The following HIPK2 variants were observed in gnomAD, a reference collection of about 807,000 sequenced individuals.
The protein encoded by HIPK2 is homeodomain-interacting protein kinase 2.
HIPK2 carries 27 observed loss-of-function variants against 113.7 expected under a neutral mutation model. The ratio of observed to expected loss-of-function variants is 0.24; its 90% CI spans 0.17 to 0.33. The LOEUF (loss-of-function observed/expected upper bound fraction) is 0.33, where lower values mean the gene tolerates loss of function less well. Ranked by LOEUF, HIPK2 falls within the 10% of genes least tolerant of loss-of-function variation. HIPK2 has a pLI of 1.00. For synonymous variants in HIPK2, 631 were observed against 642.2 expected (o/e 0.98, Z 0.26); for missense variants, 1,257 against 1,588.0 (o/e 0.79, Z 3.54).
At chr7:139,764,045 A>T (rs1796513845) in intron 1 of HIPK2, among the ~76,000 whole-genome samples, 1 of 152,224 alleles carries the variant, frequency 6.6e-6, no homozygotes, top group Non-Finnish European at 1.5e-5. Flanking sequence ...GTGCCTTATG[A>T]GAAACGCATG....
chr7:139,575,337 C>G, intron 13 of HIPK2, 49 bp from the exon 14 acceptor site: 1 of 1,518,224 alleles, frequency 6.6e-7, no homozygotes, highest in Non-Finnish European at 8.9e-7. Context: ...GTCCCAGCTG[C>G]CCAGAAGATG....
chr7:139,685,961 G>T (rs1421663945), intron 2 of HIPK2, among the ~76,000 whole-genome samples: 1 of 152,180 alleles, frequency 6.6e-6, no homozygotes, highest in Non-Finnish European at 1.5e-5. Context: ...TATTATTTAA[G>T]AAACACATCT....
chr7:139,681,747 C>T (rs1648213642), intron 2 of HIPK2, among the ~76,000 whole-genome samples: 1 of 152,188 alleles, frequency 6.6e-6, no homozygotes, highest in African/African-American at 2.4e-5. Flanking sequence ...AGGAGAGTCA[C>T]AGCGTGCGGA....
chr7:139,685,380 C>T (rs1404291234), intron 2 of HIPK2, among the ~76,000 whole-genome samples: 1 of 152,158 alleles, frequency 6.6e-6, no homozygotes, highest in Non-Finnish European at 1.5e-5. Context: ...CCAGGCTGGT[C>T]TCAAACTCCT....
At chr7:139,689,844 T>C (rs764918876) in intron 2 of HIPK2, among the ~76,000 whole-genome samples, 2 of 151,842 alleles carry the variant, frequency 1.3e-5, no homozygotes, top group Non-Finnish European at 2.9e-5. Flanking sequence ...AGGAGTCAGG[T>C]GGTGAGTCAA....
chr7:139,716,501 G>A lies in HIPK2; in HGVS notation c.534C>T (p.Ser178=), dbSNP rs749955628. Residue 178 remains serine, a synonymous_variant, in exon 2 of 15, where the codon TCC becomes TCT. Transcript: ENST00000406875. The surrounding 1 kb of genome is among the most constrained non-coding windows in gnomAD (Gnocchi z 9.3). ...CCAGCTGATAGTCGCCCTCGCTGTT[G>A]GAGCCGCTGTTTTTGGAGGTGGCAG... The part of the protein sequence containing the change: ...TSTATSKNSG[S]NSEGDYQLVQ... The A allele has an allele frequency of 1.5e-4, 242 of 1,614,040 alleles. 1 individual carries two copies. The South Asian group carries it at 2.3e-3, about 15-fold the overall frequency.
intron 10 of HIPK2, among the ~76,000 whole-genome samples, chr7:139,601,310 TAC>T (rs999270784): frequency 3.9e-5 from 6 of 152,224 alleles, no homozygotes; most frequent in Non-Finnish European, 5.9e-5. Context: ...AAGCGGAATT[TAC>T]ACAGTGTCTT....
At position 139,631,730 on chromosome 7, in the gene HIPK2, A is replaced by G; in HGVS notation, c.1104-5T>C. The G allele has an allele frequency of 6.2e-7, 1 of 1,611,480 alleles. No homozygotes were observed. The highest frequency in any genetic ancestry group is 8.5e-7 in the Non-Finnish European group (1 of 1,178,910). On this transcript the variant is annotated splice_polypyrimidine_tract_variant and splice_region_variant and intron_variant, in intron 2 of 14. Coordinates refer to ENST00000406875, the MANE Select transcript of HIPK2 (RefSeq NM_022740.5). This position sits in a 1 kb window ranked among gnomAD's most constrained non-coding sequence, Gnocchi z 4.9. ...CCAAGGATGATCTCAGGGGCCCTGA[A>G]AAGGAAGAATGGAAGAAACCATTAG... is the stretch of plus-strand genomic sequence containing the variant.
rs753276552 is a variant in HIPK2 at position 139,762,954 on chromosome 7, G to A, written c.19+14651C>T. On this transcript the variant is annotated intron_variant, in intron 1 of 14. Transcript: ENST00000406875. ...AGAAGAGGGGAATATGATTTACACT[G>A]GAGGATCAGGGAAAGCCTCCTGGAG... Among the ~76,000 whole-genome samples, 33 of 152,334 alleles carry A rather than the reference G, an allele frequency of 2.2e-4. 1 individual carries two copies. The Middle Eastern group carries it at 0.01, about 47-fold the overall frequency.
intron 2 of HIPK2, among the ~76,000 whole-genome samples, chr7:139,678,372 T>A (rs111809624): frequency 0.033 from 5,072 of 152,262 alleles, 148 homozygotes; most frequent in East Asian, 0.096. Flanking sequence ...AAGGAAGGGG[T>A]CCAGTTTCAG....
intron 2 of HIPK2, among the ~76,000 whole-genome samples, chr7:139,696,787 C>T (rs1230125348): frequency 6.6e-6 from 1 of 152,106 alleles, no homozygotes; most frequent in Admixed American, 6.5e-5. Context: ...ATCTTCCTGG[C>T]GTCAACACTC....
chr7:139,581,632 G>A (rs1034906118), intron 13 of HIPK2, among the ~76,000 whole-genome samples: 13 of 152,218 alleles, frequency 8.5e-5, no homozygotes, highest in African/African-American at 3.1e-4. Context: ...TCTGGGTGCT[G>A]TAGCTGGGGG....
Position 139,716,384 on chromosome 7 carries a change from C to A in HIPK2, c.651G>T (p.Trp217Cys). 4 of 1,614,120 alleles carry A rather than the reference C, an allele frequency of 2.5e-6. No homozygotes were observed. Among genetic ancestry groups the A allele is most frequent in the Non-Finnish European group, 3.4e-6 (4 of 1,179,990 alleles). ...CTACGATCTCATTGGTGCCCCGTTT[C>A]CAGCACTTGACCACTTGCCCAAACG... ...RGTFGQVVKCWKRGTNEIVAI... is the reference protein window; with the variant it reads ...RGTFGQVVKCCKRGTNEIVAI... Residue 217 changes from tryptophan (W) to cysteine (C), a missense_variant, in exon 2 of 15, where the codon TGG becomes TGT. By Grantham distance (215) the Trp-to-Cys change is radical (BLOSUM62 -2). Around this residue, in one of 5 missense-constraint regions of HIPK2, gnomAD observed 78 missense variants for 145.7 expected, o/e 0.54. Coordinates refer to ENST00000406875, the MANE Select transcript of HIPK2 (RefSeq NM_022740.5). This position sits in a 1 kb window ranked among gnomAD's most constrained non-coding sequence, Gnocchi z 9.3.
intron 2 of HIPK2, among the ~76,000 whole-genome samples, chr7:139,668,100 TG>T (rs1230416056): frequency 7.4e-6 from 1 of 134,732 alleles, no homozygotes; most frequent in East Asian, 2.2e-4. Context: ...CACTCCAGCC[TG>T]GGTGACAAGC....
rs1801146091 is a variant in HIPK2, at chr7:139,644,660, G to A, written c.1104-12935C>T. On this transcript the variant is annotated intron_variant, in intron 2 of 14. Transcript: ENST00000406875. ...CGAGGGTTGAAACTGGGCATTTAGA[G>A]CTGTGTTGGGAAGCCTGCTGATTCT... Among the ~76,000 whole-genome samples the A allele has an allele frequency of 2.0e-5, 3 of 152,226 alleles. No homozygotes were observed. The South Asian group carries it at 6.2e-4, about 31-fold the overall frequency.
chr7:139,702,417 C>T (rs1204356689), intron 2 of HIPK2, among the ~76,000 whole-genome samples: 1 of 152,198 alleles, frequency 6.6e-6, no homozygotes, highest in Non-Finnish European at 1.5e-5. Context: ...GGTGCATATC[C>T]CGGGTCGAGC....
chr7:139,593,869 C>G (rs1656606761), intron 12 of HIPK2, among the ~76,000 whole-genome samples: 1 of 152,222 alleles, frequency 6.6e-6, no homozygotes, highest in Non-Finnish European at 1.5e-5. Context: ...AGCTCTTCAG[C>G]TGGAGAGGGA....
At chr7:139,628,892 A>G in intron 5 of HIPK2, 61 bp downstream of exon 5, 1 of 1,401,020 alleles carries the variant, frequency 7.1e-7, no homozygotes, top group Non-Finnish European at 9.9e-7. Context: ...TTACTATTGC[A>G]GAAGTCTTGC....
At chr7:139,706,445 G>C (rs1417009167) in intron 2 of HIPK2, among the ~76,000 whole-genome samples, 1 of 152,196 alleles carries the variant, frequency 6.6e-6, no homozygotes, top group Admixed American at 6.5e-5. Context: ...TGAGCTACAA[G>C]GCATGGGATG....
Sources: allele counts gnomAD v4.1 joint callset (sites outside exome capture counted in the v4.1 genomes callset), GRCh38; gene constraint gnomAD v4.1.1; regional missense constraint gnomAD v4.1.1; non-coding constraint Gnocchi (gnomAD v3.1); transcripts MANE v1.5; gene names NCBI Gene and HGNC (gene_info 2026-07-23, HGNC 2026-07-21).